The following SCARA3 variants were observed in gnomAD, a reference collection of about 807,000 sequenced individuals.
SCARA3 encodes scavenger receptor class A member 3, also known as cellular stress response gene protein.
In SCARA3, 39 loss-of-function variants were observed where a neutral mutation model predicts 47.0. The ratio of observed to expected loss-of-function variants is 0.83; its 90% confidence interval spans 0.64 to 1.08. The LOEUF (loss-of-function observed/expected upper bound fraction) is 1.08. Ranked by LOEUF, SCARA3 falls within the 50% of genes least tolerant of loss-of-function variation. The probability of loss-of-function intolerance (pLI) is 0.00; values close to 1 mark genes in which losing one functional copy is unlikely to be tolerated. For synonymous variants in SCARA3, 356 were observed against 334.1 expected (o/e 1.07, Z -0.71); for missense variants, 724 against 792.3 (o/e 0.91, Z 1.04).
the SCARA3 span, among the ~76,000 whole-genome samples, chr8:27,720,618 CTCCATCCA>C: frequency 1.0e-3 from 152 of 145,486 alleles, no homozygotes; most frequent in Non-Finnish European, 1.2e-3. Context: ...TCCTTTCTAT[CTCCATCCA>C]TCCATCCATC....
intron 3 of SCARA3, 47 bp downstream of exon 3, chr8:27,651,674 C>A: frequency 1.2e-6 from 2 of 1,605,000 alleles, no homozygotes; most frequent in Non-Finnish European, 1.7e-6. Context: ...GGTGTCTGAT[C>A]AGGGATCCAG....
chr8:27,647,751 T>G (rs1801537524), intron 1 of SCARA3, among the ~76,000 whole-genome samples: 1 of 152,160 alleles, frequency 6.6e-6, no homozygotes. Flanking sequence ...GGAAGTGACG[T>G]TTAAGCCATG....
At chr8:27,660,052 C>A (rs1801860701) in intron 5 of SCARA3, among the ~76,000 whole-genome samples, 1 of 151,952 alleles carries the variant, frequency 6.6e-6, no homozygotes, top group Non-Finnish European at 1.5e-5. Context: ...ACTGTCTCCT[C>A]TTTTTTACTC....
the SCARA3 span, among the ~76,000 whole-genome samples, chr8:27,694,993 G>A: frequency 3.3e-5 from 5 of 152,182 alleles, no homozygotes; most frequent in African/African-American, 1.2e-4. Flanking sequence ...CGATGCACAT[G>A]CACAAGGTAA....
At chr8:27,725,210 A>C in the SCARA3 span, among the ~76,000 whole-genome samples, 1 of 152,172 alleles carries the variant, frequency 6.6e-6, no homozygotes. Flanking sequence ...ATAGAAATAC[A>C]CATCAGAGAT....
At chr8:27,714,801 G>T in the SCARA3 span, among the ~76,000 whole-genome samples, 1 of 152,118 alleles carries the variant, frequency 6.6e-6, no homozygotes, top group East Asian at 1.9e-4. Context: ...AGAAGGAATT[G>T]AAAATAAAAA....
chr8:27,667,153 G>A (rs948925254), intron 5 of SCARA3, among the ~76,000 whole-genome samples: 1 of 152,268 alleles, frequency 6.6e-6, no homozygotes, highest in South Asian at 2.1e-4. Context: ...GGCCTGGAGG[G>A]GCCTTGGTCA....
chr8:27,710,554 G>C, the SCARA3 span, among the ~76,000 whole-genome samples: 1 of 152,056 alleles, frequency 6.6e-6, no homozygotes. Context: ...CCCCATGGCC[G>C]CACGTCTTTC....
At chr8:27,713,006 A>T in the SCARA3 span, among the ~76,000 whole-genome samples, 1 of 152,216 alleles carries the variant, frequency 6.6e-6, no homozygotes, top group Non-Finnish European at 1.5e-5. Context: ...CCAAACAAGG[A>T]TATTTTCCTT....
At chr8:27,687,764 C>T in the SCARA3 span, among the ~76,000 whole-genome samples, 1 of 151,476 alleles carries the variant, frequency 6.6e-6, no homozygotes, top group African/African-American at 2.4e-5. Context: ...TGCCTGTAAT[C>T]CCAGCACTTT....
chr8:27,724,910 A>T, the SCARA3 span, among the ~76,000 whole-genome samples: 1 of 152,256 alleles, frequency 6.6e-6, no homozygotes, highest in Non-Finnish European at 1.5e-5. Context: ...TGTCTTTGAC[A>T]GAGAAAATTC....
At chr8:27,686,181 C>T in the SCARA3 span, among the ~76,000 whole-genome samples, 19 of 152,084 alleles carry the variant, frequency 1.2e-4, no homozygotes, top group South Asian at 6.2e-4. Flanking sequence ...TGGCTCATGC[C>T]TGTAACCCCA....
chr8:27,702,630 G>A, the SCARA3 span: 64 of 152,482 alleles, frequency 4.2e-4, no homozygotes, highest in African/African-American at 1.5e-3. Context: ...TCAGAACTCA[G>A]TTCTGTGGGG....
At chr8:27,697,531 G>A in the SCARA3 span, 1 of 152,206 alleles carries the variant, frequency 6.6e-6, no homozygotes, top group East Asian at 1.9e-4. Context: ...ATATCCCACT[G>A]TGCCCTACTC....
At chr8:27,721,463 A>G in the SCARA3 span, among the ~76,000 whole-genome samples, 7 of 152,336 alleles carry the variant, frequency 4.6e-5, no homozygotes, top group Middle Eastern at 3.4e-3. Flanking sequence ...GATAAATGTC[A>G]TGGATAAAAA....
At chr8:27,707,249 T>C in the SCARA3 span, among the ~76,000 whole-genome samples, 23 of 152,150 alleles carry the variant, frequency 1.5e-4, no homozygotes, top group Non-Finnish European at 1.8e-4. Flanking sequence ...CAGGTACTAA[T>C]TGTTTTGAGT....
the SCARA3 span, among the ~76,000 whole-genome samples, chr8:27,704,720 G>T: frequency 6.6e-6 from 1 of 151,778 alleles, no homozygotes; most frequent in Non-Finnish European, 1.5e-5. Context: ...TGCAATGGGG[G>T]TTGTTTCATA....
rs1464513535 is a variant in SCARA3 at position 27,634,153 on chromosome 8, TC to T, written c.-46del. 2 of 1,451,154 alleles carry T rather than the reference TC, an allele frequency of 1.4e-6. No individual in the cohort carries two copies. Among genetic ancestry groups the T allele is most frequent in the South Asian group, 1.4e-5 (1 of 69,330 alleles). 89.9% of individuals were successfully genotyped at this position (1,451,154 alleles called of 1,614,324 possible). A position where few individuals can be genotyped will look rare whatever the true frequency, so the allele number is the denominator to read the frequency against. ...GCCGGCCGCCCGGCTCCACTACAGC[TC>T]CAGCCGCCTGCAGCGGGGCCCTCCT... On this transcript the variant is annotated 5_prime_UTR_variant, in exon 1 of 6. Transcript: ENST00000301904.
the SCARA3 span, among the ~76,000 whole-genome samples, chr8:27,713,581 T>G: frequency 6.6e-6 from 1 of 152,202 alleles, no homozygotes; most frequent in Non-Finnish European, 1.5e-5. Context: ...GGGATCCTTA[T>G]TTGCTTTGAT....
Sources: gnomAD v4.1 joint callset for allele counts (sites outside exome capture counted in the v4.1 genomes callset) on GRCh38, gnomAD v4.1.1 for gene constraint, MANE v1.5 for transcripts, NCBI Gene and HGNC (gene_info 2026-07-23, HGNC 2026-07-21) for gene names.